SCAPER: variants seen among roughly 807,000 people sequenced by gnomAD.
SCAPER encodes S phase cyclin A-associated protein in the endoplasmic reticulum.
In SCAPER, 98 loss-of-function variants were observed where a neutral mutation model predicts 182.2. That is an observed-to-expected ratio of 0.54 (90% CI 0.46 to 0.64). The LOEUF is 0.64. SCAPER is among the 30% of genes least tolerant of loss of function. SCAPER has a pLI of 0.00. For missense variants in SCAPER, 1,432 were observed against 1,690.0 expected (o/e 0.85, Z 2.68); for synonymous variants, 605 against 564.6 (o/e 1.07, Z -1.01).
intron 2 of SCAPER, among the ~76,000 whole-genome samples, chr15:76,874,394 T>TA (rs2073000474): frequency 6.6e-6 from 1 of 151,144 alleles, no homozygotes; most frequent in Non-Finnish European, 1.5e-5. Context: ...AAGAAGTTAG[T>TA]AAAAGAGCAC....
At chr15:76,841,534 C>T (rs1222957401) in intron 5 of SCAPER, among the ~76,000 whole-genome samples, 200 bp downstream of exon 5, 1 of 152,058 alleles carries the variant, frequency 6.6e-6, no homozygotes, top group South Asian at 2.1e-4. Flanking sequence ...GTAATCCCAG[C>T]TACTCAGGAG....
At chr15:76,796,670 C>G (rs551273983) in intron 7 of SCAPER, among the ~76,000 whole-genome samples, 1 of 152,166 alleles carries the variant, frequency 6.6e-6, no homozygotes, top group Admixed American at 6.5e-5. Context: ...TTACCACACA[C>G]GAATTAACGG....
intron 1 of SCAPER, among the ~76,000 whole-genome samples, chr15:76,890,969 T>A (rs1250139781): frequency 6.6e-6 from 1 of 152,104 alleles, no homozygotes; most frequent in Non-Finnish European, 1.5e-5. Flanking sequence ...GCTTATCTAC[T>A]CACAATCAAG....
chr15:76,446,523 C>T (rs1433547644), intron 25 of SCAPER, among the ~76,000 whole-genome samples: 7 of 152,162 alleles, frequency 4.6e-5, no homozygotes, highest in Non-Finnish European at 8.8e-5. Context: ...ATACAAGTAT[C>T]TATTATTTTC....
intron 23 of SCAPER, among the ~76,000 whole-genome samples, chr15:76,543,473 G>T (rs559150609): frequency 6.6e-6 from 1 of 152,150 alleles, no homozygotes; most frequent in African/African-American, 2.4e-5. Flanking sequence ...ACACTCCGTG[G>T]TTTCAAACTG....
Position 76,904,180 on chromosome 15 carries a change from G to C in SCAPER, c.-60+1119C>G, listed in dbSNP as rs536280451. 1.4e-4 allele frequency among the ~76,000 whole-genome samples: 21 copies of C among 152,246 alleles called. No individual in the cohort carries two copies. The South Asian group carries it at 3.1e-3, about 23-fold the overall frequency. On this transcript the variant is annotated intron_variant, in intron 1 of 31. Coordinates refer to ENST00000563290, the MANE Select transcript of SCAPER (RefSeq NM_020843.4). The stretch of plus-strand genomic sequence containing the variant: ...ACAGTGGTCAGACTACCAACCTTAG[G>C]TCAGAAAACTTAACCCCAGATTTAC...
intron 25 of SCAPER, among the ~76,000 whole-genome samples, chr15:76,457,972 G>A (rs750397017): frequency 8.6e-5 from 13 of 151,472 alleles, no homozygotes; most frequent in Non-Finnish European, 1.8e-4. Flanking sequence ...ACAAATTCTC[G>A]GAGGTGTATA....
chr15:76,515,093 T>C (rs975438256), intron 23 of SCAPER, among the ~76,000 whole-genome samples: 2 of 152,184 alleles, frequency 1.3e-5, no homozygotes, highest in African/African-American at 4.8e-5. Flanking sequence ...AATTATAAGC[T>C]ACAGTTTGAA....
At chr15:76,608,973 G>C (rs1567587830) in intron 22 of SCAPER, among the ~76,000 whole-genome samples, 1 of 152,184 alleles carries the variant, frequency 6.6e-6, no homozygotes, top group Non-Finnish European at 1.5e-5. Context: ...TGTGCTTCCT[G>C]GGTGAGGCGA....
chr15:76,373,917 T>C (rs2042360225), intron 29 of SCAPER, among the ~76,000 whole-genome samples: 2 of 151,820 alleles, frequency 1.3e-5, no homozygotes, highest in Non-Finnish European at 2.9e-5. Context: ...TTGTCTTTTT[T>C]CTCCTTCTCA....
rs149434416 is a variant in SCAPER, at chr15:76,786,263, G to A, written c.772+9017C>T. Among the ~76,000 whole-genome samples the A allele has an allele frequency of 3.4e-3, 495 of 146,596 alleles. 2 individuals are homozygous for A. Among genetic ancestry groups the A allele is most frequent in the African/African-American group, 0.012 (470 of 39,834 alleles). On this transcript the variant is annotated intron_variant, in intron 8 of 31. Coordinates refer to ENST00000563290, the MANE Select transcript of SCAPER (RefSeq NM_020843.4). ...AATCACTTGAACCCAAGAGGCAGAG[G>A]TTGCAGTGAGCTGAGATCATACCAT...
chr15:76,753,682 G>A, intron 15 of SCAPER, 126 bp downstream of exon 15: 1 of 1,071,626 alleles, frequency 9.3e-7, no homozygotes, highest in South Asian at 1.9e-5. Context: ...TTAAATGAGT[G>A]TGTAAAATGC....
chr15:76,417,206 A>G (rs934547129), intron 26 of SCAPER, among the ~76,000 whole-genome samples: 3 of 103,868 alleles, frequency 2.9e-5, no homozygotes, highest in Non-Finnish European at 7.3e-5. Flanking sequence ...AATTAAAGAT[A>G]GTCTGTGTGT....
chr15:76,868,382 G>A (rs920130063), intron 2 of SCAPER, among the ~76,000 whole-genome samples: 2 of 144,700 alleles, frequency 1.4e-5, no homozygotes. Context: ...GACAGAGTGA[G>A]ACCTTGTCTC....
At chr15:76,395,836 G>C (rs148169841) in intron 27 of SCAPER, among the ~76,000 whole-genome samples, 1 of 152,190 alleles carries the variant, frequency 6.6e-6, no homozygotes, top group African/African-American at 2.4e-5. Context: ...TGCTGTGCAG[G>C]AGCTTAACTT....
rs186006145 is a variant in SCAPER at position 76,428,321 on chromosome 15, C to T, written c.3311+5757G>A. Among the ~76,000 whole-genome samples the T allele has an allele frequency of 4.1e-4, 62 of 152,274 alleles. 2 individuals carry two copies. The East Asian group carries it at 0.011, about 28-fold the overall frequency. On this transcript the variant is annotated intron_variant, in intron 26 of 31. Coordinates refer to ENST00000563290, the MANE Select transcript of SCAPER (RefSeq NM_020843.4). ...CTACACTCCCATGTTTATTGCAGCACTATTCAAAATAGCCAAGATATGGAG... is the reference window on the plus strand; with the variant it reads ...CTACACTCCCATGTTTATTGCAGCATTATTCAAAATAGCCAAGATATGGAG...
intron 21 of SCAPER, among the ~76,000 whole-genome samples, chr15:76,650,997 T>C (rs936950735): frequency 2.0e-5 from 3 of 152,040 alleles, no homozygotes; most frequent in African/African-American, 4.8e-5. Context: ...TTAAAATATG[T>C]TGAATGTAGG....
At chr15:76,387,657 G>T (rs958441267) in intron 27 of SCAPER, among the ~76,000 whole-genome samples, 5 of 152,124 alleles carry the variant, frequency 3.3e-5, no homozygotes, top group African/African-American at 9.7e-5. Context: ...TCACCAGTAG[G>T]GTAAGAAGGA....
chr15:76,514,345 G>C (rs1454434648), intron 23 of SCAPER, among the ~76,000 whole-genome samples: 2 of 152,134 alleles, frequency 1.3e-5, no homozygotes, highest in African/African-American at 4.8e-5. Context: ...AGGATTAGTG[G>C]CTCCATTCTA....
Sources: allele counts gnomAD v4.1 joint callset (sites outside exome capture counted in the v4.1 genomes callset), GRCh38; gene constraint gnomAD v4.1.1; transcripts MANE v1.5; gene names NCBI Gene and HGNC (gene_info 2026-07-23, HGNC 2026-07-21).